Variants in RALB observed in about 807,000 individuals in gnomAD.
RALB encodes RAS like proto-oncogene B.
In RALB, 16 loss-of-function variants were observed where a neutral mutation model predicts 21.3. That is an observed-to-expected ratio of 0.75 (90% CI 0.51 to 1.14). The LOEUF (loss-of-function observed/expected upper bound fraction) is 1.14, where lower values mean the gene tolerates loss of function less well. Among genes scored for constraint, RALB ranks in the 50% most tolerant of loss-of-function variants. The pLI is 0.00. For missense variants in RALB, 161 were observed against 256.2 expected (o/e 0.63, Z 2.54); for synonymous variants, 93 against 96.1 (o/e 0.97, Z 0.19).
At chr2:120,259,659 C>T (rs1413100782) in intron 1 of RALB, among the ~76,000 whole-genome samples, 4 of 152,270 alleles carry the variant, frequency 2.6e-5, no homozygotes, top group Non-Finnish European at 4.4e-5. Flanking sequence ...TCCACGTCCC[C>T]ACCAGACTCA....
chr2:120,269,308 A>G (rs978520873), intron 1 of RALB, among the ~76,000 whole-genome samples: 1 of 152,188 alleles, frequency 6.6e-6, no homozygotes, highest in East Asian at 1.9e-4. Context: ...CTTCGCAGTG[A>G]GTGTTATAGC....
intron 2 of RALB, among the ~76,000 whole-genome samples, chr2:120,281,378 C>T (rs1470804549): frequency 2.0e-5 from 3 of 152,228 alleles, no homozygotes; most frequent in Admixed American, 1.3e-4. Flanking sequence ...GTATTCCCTT[C>T]GCCTCACTGA....
intron 1 of RALB, among the ~76,000 whole-genome samples, chr2:120,267,221 C>T (rs894517215): frequency 3.3e-5 from 5 of 151,812 alleles, no homozygotes; most frequent in African/African-American, 9.7e-5. Flanking sequence ...GGAGGGGGCG[C>T]GTGGGAAGGG....
intron 1 of RALB, among the ~76,000 whole-genome samples, chr2:120,260,737 C>T (rs1161196725): frequency 5.3e-5 from 8 of 152,232 alleles, no homozygotes; most frequent in South Asian, 2.1e-4. Context: ...AGGCCTGCTG[C>T]GGGCCTTCCC....
chr2:120,284,383 C>T (rs890354778), intron 2 of RALB, among the ~76,000 whole-genome samples: 6 of 144,242 alleles, frequency 4.2e-5, no homozygotes, highest in Non-Finnish European at 9.0e-5. Context: ...ATATGAAATT[C>T]GCTCTTTTTA....
chr2:120,256,645 T>C (rs1689206670), intron 1 of RALB, among the ~76,000 whole-genome samples: 1 of 152,214 alleles, frequency 6.6e-6, no homozygotes, highest in South Asian at 2.1e-4. Flanking sequence ...TCCCCAGCCC[T>C]GCGGAACTGT....
At chr2:120,265,841 A>T (rs538875522) in intron 1 of RALB, among the ~76,000 whole-genome samples, 21 of 152,248 alleles carry the variant, frequency 1.4e-4, no homozygotes, top group Non-Finnish European at 2.8e-4. Context: ...TGAATAAATA[A>T]TTCAGGATAG....
At chr2:120,260,252 C>G (rs1305479433) in intron 1 of RALB, among the ~76,000 whole-genome samples, 1 of 152,264 alleles carries the variant, frequency 6.6e-6, no homozygotes, top group South Asian at 2.1e-4. Context: ...AGTGGGAGCC[C>G]AGGCAGGGGA....
chr2:120,251,560 A>G (rs1245533774), upstream of RALB, among the ~76,000 whole-genome samples: 2 of 152,176 alleles, frequency 1.3e-5, no homozygotes, highest in African/African-American at 4.8e-5. Flanking sequence ...CTTTAATCCT[A>G]TGCTTCCAGA....
chr2:120,277,667 G>A (rs568431093), intron 1 of RALB, among the ~76,000 whole-genome samples: 13 of 134,346 alleles, frequency 9.7e-5, no homozygotes, highest in Middle Eastern at 3.7e-3. Flanking sequence ...TTGTGAGAGC[G>A]TTGTGAACGT....
chr2:120,289,350 G>T (rs1286024744), intron 3 of RALB, among the ~76,000 whole-genome samples: 2 of 151,130 alleles, frequency 1.3e-5, no homozygotes, highest in Non-Finnish European at 2.9e-5. Context: ...CTGCATTTGT[G>T]ATGAGCATCC....
Position 120,288,342 on chromosome 2 carries a change from G to GTTTTTTTTT in RALB, c.324-1235_324-1227dup, listed in dbSNP as rs547733377. On this transcript the variant is annotated intron_variant, in intron 3 of 4. Transcript: ENST00000272519. ...TTAAATTGACTACATGAAAATTTTA[G>GTTTTTTTTT]TTTTTTTTTTTGTTTTTTTTTTTGT... Among the ~76,000 whole-genome samples, 111 of 117,060 alleles carry GTTTTTTTTT rather than the reference G, an allele frequency of 9.5e-4. 17 individuals carry two copies. Among genetic ancestry groups the GTTTTTTTTT allele is most frequent in the Admixed American group, 1.2e-3 (12 of 10,262 alleles). The allele number at this position is 117,060 out of a possible 152,430, so 76.8% of individuals were successfully genotyped here.
chr2:120,266,787 C>G (rs1388742256), intron 1 of RALB, among the ~76,000 whole-genome samples: 1 of 152,198 alleles, frequency 6.6e-6, no homozygotes. Flanking sequence ...AGGTGGAGAA[C>G]ACCAGCTCTG....
intron 2 of RALB, among the ~76,000 whole-genome samples, chr2:120,281,909 G>A (rs904107694): frequency 6.6e-6 from 1 of 152,132 alleles, no homozygotes; most frequent in African/African-American, 2.4e-5. Flanking sequence ...TGCTTCCCCA[G>A]GGAATATTCG....
At chr2:120,248,360 C>T (rs953379719), upstream of RALB, among the ~76,000 whole-genome samples, 3 of 152,202 alleles carry the variant, frequency 2.0e-5, no homozygotes, top group Non-Finnish European at 4.4e-5. Context: ...TACCCTCCCC[C>T]ATTTCCTTCC....
At chr2:120,266,644 G>A (rs1466963440) in intron 1 of RALB, among the ~76,000 whole-genome samples, 1 of 152,180 alleles carries the variant, frequency 6.6e-6, no homozygotes, top group East Asian at 1.9e-4. Context: ...CCCAAAGGTT[G>A]AGGCTGTAGT....
intron 1 of RALB, among the ~76,000 whole-genome samples, chr2:120,268,643 CAGCCTAGGTGACAG>C (rs1689565089): frequency 6.6e-6 from 1 of 152,170 alleles, no homozygotes; most frequent in African/African-American, 2.4e-5. Context: ...CACTGCACTG[CAGCCTAGGTGACAG>C]AGCAAGAACC....
intron 1 of RALB, among the ~76,000 whole-genome samples, chr2:120,240,312 T>A (rs1688873731): frequency 6.7e-6 from 1 of 149,366 alleles, no homozygotes. Flanking sequence ...TGAGACAGGG[T>A]CTCCCTCTGT....
In RALB at chr2:120,294,668, G is replaced by A. The variant is rs1239015063; in HGVS notation, c.*1408G>A. 1 of 161,686 alleles carries A rather than the reference G, an allele frequency of 6.2e-6. No individual in the cohort carries two copies. Among genetic ancestry groups the A allele is most frequent in the Admixed American group, 6.5e-5 (1 of 15,472 alleles). The allele number at this position is 161,686 out of a possible 1,614,324, so 10.0% of individuals were successfully genotyped here. A position where few individuals can be genotyped will look rare whatever the true frequency, so the allele number is the denominator to read the frequency against. On this transcript the variant is annotated 3_prime_UTR_variant, in exon 5 of 5. Transcript: ENST00000272519. The stretch of plus-strand genomic sequence containing the variant: ...AAACAATCCTGTATCCCCTCCCAAA[G>A]AATCATGGGCTTTTTTTTTGAATAA...
Sources: gnomAD v4.1 joint callset for allele counts (sites outside exome capture counted in the v4.1 genomes callset) on GRCh38, gnomAD v4.1.1 for gene constraint, MANE v1.5 for transcripts, NCBI Gene and HGNC (gene_info 2026-07-23, HGNC 2026-07-21) for gene names.